ANO1: variants seen among roughly 807,000 people sequenced by gnomAD.
The protein encoded by ANO1 is anoctamin 1, also known as anoctamin-1.
A neutral mutation model predicts 124.0 loss-of-function variants in ANO1; 59 were observed. The ratio of observed to expected loss-of-function variants is 0.48; its 90% CI spans 0.39 to 0.59. ANO1 has a LOEUF of 0.59. Ranked by LOEUF, ANO1 falls within the 20% of genes least tolerant of loss-of-function variation. ANO1 has a pLI of 0.00. For synonymous variants in ANO1, 529 were observed against 532.0 expected, an observed-to-expected ratio of 0.99 and a Z score of 0.08; for missense variants, 1,059 against 1,328.0, an observed-to-expected ratio of 0.80 and a Z score of 3.15.
intron 1 of ANO1, among the ~76,000 whole-genome samples, chr11:70,010,330 T>C (rs1565159798): frequency 6.6e-6 from 1 of 151,630 alleles, no homozygotes; most frequent in Non-Finnish European, 1.5e-5. Context: ...TTTCACATAA[T>C]GACTTCTTTT....
intron 1 of ANO1, among the ~76,000 whole-genome samples, chr11:70,026,561 A>G (rs1357836944): frequency 6.7e-6 from 1 of 150,358 alleles, no homozygotes; most frequent in Non-Finnish European, 1.5e-5. Context: ...GACAATAATG[A>G]TGATGACAAC....
intron 1 of ANO1, among the ~76,000 whole-genome samples, chr11:70,031,384 G>A (rs1363585649): frequency 6.6e-6 from 1 of 152,224 alleles, no homozygotes; most frequent in Non-Finnish European, 1.5e-5. Flanking sequence ...TTGGAAATGG[G>A]TAATAGCATA....
In ANO1 at chr11:70,078,645, G is replaced by A. The variant is rs1362047251; in HGVS notation, c.39G>A (p.Glu13=). Residue 13 remains glutamate, a synonymous_variant, in exon 1 of 26, where the codon GAG becomes GAA. Transcript: ENST00000355303. ...AGAAGTACTCGACGCTCCCGGCCGA[G>A]GACCGCAGCGTCCACATCATCAACA... is the stretch of plus-strand genomic sequence containing the variant. ...VNEKYSTLPA[E]DRSVHIINIC... The A allele has an allele frequency of 6.7e-7, 1 of 1,501,912 alleles. No homozygotes were observed. The allele number at this position is 1,501,912 out of a possible 1,614,324, so 93.0% of individuals were successfully genotyped here.
chr11:69,970,964 C>A, the ANO1 span, among the ~76,000 whole-genome samples: 1 of 152,178 alleles, frequency 6.6e-6, no homozygotes, highest in Admixed American at 6.5e-5. Flanking sequence ...GGAAGCTGCC[C>A]CCTGGCCTGA....
intron 11 of ANO1, among the ~76,000 whole-genome samples, chr11:70,136,330 C>T (rs1324400913): frequency 6.6e-6 from 1 of 152,194 alleles, no homozygotes; most frequent in Non-Finnish European, 1.5e-5. Context: ...CCGCACCAGT[C>T]AAGAGGTTTA....
At chr11:69,973,821 G>A in the ANO1 span, among the ~76,000 whole-genome samples, 694 of 151,126 alleles carry the variant, frequency 4.6e-3, 5 homozygotes, top group African/African-American at 0.014. Context: ...GCAGTGAGTC[G>A]AGATCATGCC....
chr11:70,060,739 A>G (rs1157662814), intron 1 of ANO1, among the ~76,000 whole-genome samples: 5 of 152,216 alleles, frequency 3.3e-5, no homozygotes, highest in Admixed American at 3.3e-4. Context: ...GAGCCAGCCT[A>G]GAACTGTGAG....
intron 1 of ANO1, among the ~76,000 whole-genome samples, chr11:70,061,607 C>T (rs1488245337): frequency 6.6e-6 from 1 of 151,844 alleles, no homozygotes; most frequent in Non-Finnish European, 1.5e-5. Flanking sequence ...TGGTTTTCTT[C>T]CAATTCCTTC....
chr11:70,148,179 C>A (rs1414617069), intron 11 of ANO1, among the ~76,000 whole-genome samples: 2 of 152,176 alleles, frequency 1.3e-5, no homozygotes, highest in Non-Finnish European at 2.9e-5. Context: ...TGAATTCACT[C>A]TGCACGGTCA....
intron 12 of ANO1, among the ~76,000 whole-genome samples, chr11:70,151,240 C>T (rs2047591352): frequency 6.6e-6 from 1 of 152,264 alleles, no homozygotes; most frequent in African/African-American, 2.4e-5. Context: ...GGCTAGTGGC[C>T]ACTGGGCGAC....
chr11:69,975,007 G>GGAGA, the ANO1 span, among the ~76,000 whole-genome samples: 2 of 152,190 alleles, frequency 1.3e-5, no homozygotes, highest in African/African-American at 2.4e-5. Context: ...AGGCAGCTAC[G>GGAGA]GAGGCAGCCT....
intron 22 of ANO1, among the ~76,000 whole-genome samples, chr11:70,175,041 C>T (rs1565279036): frequency 1.3e-5 from 2 of 152,066 alleles, no homozygotes; most frequent in Non-Finnish European, 2.9e-5. Flanking sequence ...TCACAGTGCG[C>T]GTGTGTTTGC....
intron 22 of ANO1, among the ~76,000 whole-genome samples, chr11:70,178,170 G>A: frequency 6.6e-6 from 1 of 152,242 alleles, no homozygotes; most frequent in East Asian, 1.9e-4. Context: ...CCCTGCCTTA[G>A]GAGCTCGGAG....
chr11:70,142,124 T>G (rs1054481849), intron 11 of ANO1, among the ~76,000 whole-genome samples: 8 of 152,352 alleles, frequency 5.3e-5, no homozygotes, highest in Admixed American at 5.2e-4. Context: ...TGAGCCCTAT[T>G]TAGCTATTCA....
chr11:70,118,459 TG>T (rs1452856800), intron 8 of ANO1, among the ~76,000 whole-genome samples: 3 of 152,070 alleles, frequency 2.0e-5, no homozygotes, highest in African/African-American at 7.2e-5. Flanking sequence ...GCCTGGCCCA[TG>T]GGGGTAGTCA....
At chr11:70,057,650 A>T (rs1334343023) in intron 1 of ANO1, among the ~76,000 whole-genome samples, 1 of 152,158 alleles carries the variant, frequency 6.6e-6, no homozygotes, top group African/African-American at 2.4e-5. Context: ...AGGGGAGATC[A>T]TGAGACTCAT....
chr11:70,001,222 G>T (rs921265459), intron 1 of ANO1, among the ~76,000 whole-genome samples: 4 of 152,214 alleles, frequency 2.6e-5, no homozygotes, highest in Non-Finnish European at 5.9e-5. Flanking sequence ...TTGCTGCTTG[G>T]TCAGGCAGCT....
At chr11:70,114,320 A>T (rs2045897194) in intron 7 of ANO1, among the ~76,000 whole-genome samples, 1 of 152,250 alleles carries the variant, frequency 6.6e-6, no homozygotes, top group Admixed American at 6.5e-5. Context: ...CAGATTTTCC[A>T]TATGACTGAA....
intron 6 of ANO1, among the ~76,000 whole-genome samples, chr11:70,111,426 C>T (rs2045776521): frequency 6.6e-6 from 1 of 152,214 alleles, no homozygotes; most frequent in Admixed American, 6.5e-5. Flanking sequence ...ACACCGCCTG[C>T]CTCTGAGACA....
Sources: allele counts gnomAD v4.1 joint callset (sites outside exome capture counted in the v4.1 genomes callset), GRCh38; gene constraint gnomAD v4.1.1; transcripts MANE v1.5; gene names NCBI Gene and HGNC (gene_info 2026-07-23, HGNC 2026-07-21).